Variants in NCAPD3 observed in about 807,000 individuals in gnomAD.
NCAPD3 encodes the protein condensin-2 complex subunit D3.
A neutral mutation model predicts 182.9 loss-of-function variants in NCAPD3; 105 were observed. The observed-to-expected ratio is 0.57, with a 90% confidence interval of 0.49 to 0.68. The LOEUF (loss-of-function observed/expected upper bound fraction) is 0.68. Ranked by LOEUF, NCAPD3 falls within the 30% of genes least tolerant of loss-of-function variation. NCAPD3 has a pLI of 0.00. For synonymous variants in NCAPD3, 815 were observed against 679.9 expected, an observed-to-expected ratio of 1.20 and a Z score of -3.09; for missense variants, 1,944 against 1,837.0, an observed-to-expected ratio of 1.06 and a Z score of -1.07.
intron 32 of NCAPD3, chr11:134,153,620 C>T: frequency 3.7e-6 from 2 of 538,028 alleles, no homozygotes; most frequent in Admixed American, 3.2e-5. Context: ...ACTGTTCACG[C>T]CTCTGGCTTC....
At position 134,171,984 on chromosome 11, in the gene NCAPD3, C is replaced by T. The variant is rs575106369; in HGVS notation, c.3102-2930G>A. Among the ~76,000 whole-genome samples the T allele has an allele frequency of 1.4e-4, 21 of 152,280 alleles. No homozygotes were observed. The South Asian group carries it at 1.5e-3, about 11-fold the overall frequency. On this transcript the variant is annotated intron_variant, in intron 24 of 34. Coordinates refer to ENST00000534548, the MANE Select transcript of NCAPD3 (RefSeq NM_015261.3). ...GTTTCGTGTTCCTTTTCTAGGGATG[C>T]GGAACAACAAAACCAAACTCATGCC...
rs1401076677 is a variant in NCAPD3 at position 134,209,357 on chromosome 11, A to G, written c.688T>C (p.Phe230Leu). 1 of 1,614,026 alleles carries G rather than the reference A, an allele frequency of 6.2e-7. No homozygotes were observed. The highest frequency in any genetic ancestry group is 8.5e-7 in the Non-Finnish European group (1 of 1,180,040). Residue 230 changes from phenylalanine (F) to leucine (L), a missense_variant, in exon 5 of 35, where the codon TTT becomes CTT. By Grantham distance (22) the Phe-to-Leu change is conservative. Transcript: ENST00000534548. ...LKNFLRLLPK[F>L]SLKEKPQCVQ... ...CATTGTGGCTTTTCTTTCAAGGAAA[A>G]CTTTGGCAGAAGCCTTAAAAAATTC... is the stretch of plus-strand genomic sequence containing the variant.
intron 13 of NCAPD3, among the ~76,000 whole-genome samples, chr11:134,195,774 A>G (rs1287635584): frequency 1.3e-5 from 2 of 152,156 alleles, no homozygotes; most frequent in Non-Finnish European, 2.9e-5. Flanking sequence ...CTGGCTTAAT[A>G]TAAGCCAGCT....
intron 7 of NCAPD3, among the ~76,000 whole-genome samples, chr11:134,208,510 T>C (rs1937702508): frequency 6.6e-6 from 1 of 152,186 alleles, no homozygotes; most frequent in Non-Finnish European, 1.5e-5. Context: ...TTAGAATGAT[T>C]TGGGAAATAT....
Position 134,178,893 on chromosome 11 carries a change from G to C in NCAPD3, c.2603C>G (p.Pro868Arg), listed in dbSNP as rs1350607148. Reference sequence around the variant, plus strand: ...GAAGATGCGCTTCTCCACCCTGGCTGGACACAGCTGGGCTATATCCCCTAA... The same window carrying C: ...GAAGATGCGCTTCTCCACCCTGGCTCGACACAGCTGGGCTATATCCCCTAA... The part of the protein sequence containing the change: ...FTLGDIAQLC[P>R]ARVEKRIFLL... Residue 868 changes from proline (P) to arginine (R), a missense_variant, in exon 21 of 35, where the codon CCA (proline) becomes CGA (arginine). This residue lies in a region of NCAPD3 where 1,803 missense variants were observed against 1,674.6 expected (regional missense o/e 1.08). Coordinates refer to ENST00000534548, the MANE Select transcript of NCAPD3 (RefSeq NM_015261.3). 12 of 1,614,100 alleles carry C rather than the reference G, an allele frequency of 7.4e-6. No homozygotes were observed. Among genetic ancestry groups the C allele is most frequent in the Non-Finnish European group, 8.5e-6 (10 of 1,180,004 alleles).
chr11:134,175,449 G>T (rs1944138971), intron 24 of NCAPD3, among the ~76,000 whole-genome samples: 1 of 152,198 alleles, frequency 6.6e-6, no homozygotes, highest in Non-Finnish European at 1.5e-5. Flanking sequence ...TTACTGGTTT[G>T]TTATGTGAAA....
chr11:134,199,492 C>T (rs375732810), intron 13 of NCAPD3, among the ~76,000 whole-genome samples: 181 of 152,282 alleles, frequency 1.2e-3, no homozygotes, highest in African/African-American at 4.3e-3. Context: ...AATGCACATT[C>T]AAACCATACT....
rs116269344 is a variant in NCAPD3, at chr11:134,215,792, C to T, written c.382+1144G>A. Among the ~76,000 whole-genome samples the T allele has an allele frequency of 2.8e-3, 420 of 152,216 alleles. 2 individuals carry two copies. Among genetic ancestry groups the T allele is most frequent in the African/African-American group, 9.4e-3 (391 of 41,526 alleles). ...GCTTTTTTATTGTTGCAGAAATTCA[C>T]GTACAGATCCTAAAATTCACATGGA... is the stretch of plus-strand genomic sequence containing the variant. On this transcript the variant is annotated intron_variant, in intron 3 of 34. Transcript: ENST00000534548.
chr11:134,157,575 G>C (rs1012965214), intron 31 of NCAPD3, among the ~76,000 whole-genome samples: 2 of 152,204 alleles, frequency 1.3e-5, no homozygotes, highest in Non-Finnish European at 2.9e-5. Context: ...CATGGAAGCT[G>C]TCTACTACAT....
chr11:134,213,784 T>C (rs1937925311), intron 3 of NCAPD3, among the ~76,000 whole-genome samples: 1 of 152,154 alleles, frequency 6.6e-6, no homozygotes, highest in Non-Finnish European at 1.5e-5. Context: ...GTGGCTATCT[T>C]AGTATTAGAC....
chr11:134,223,874 T>G lies in NCAPD3; in HGVS notation c.53A>C (p.Asp18Ala). Residue 18 changes from aspartate (D) to alanine (A), a missense_variant, in exon 1 of 35, where the codon GAT becomes GCT. Around this residue, in one of 3 missense-constraint regions of NCAPD3, gnomAD observed 131 missense variants for 133.9 expected, o/e 0.98. Coordinates refer to ENST00000534548, the MANE Select transcript of NCAPD3 (RefSeq NM_015261.3). ...GSGLQPWCPL[D>A]LRLEWVDTVW... ...CTGCATCTGCTCACCGAGTCTAAGA[T>G]CCAGCGGACACCAGGGCTGCAGGCC... 6.2e-7 allele frequency: 1 copy of G among 1,612,680 alleles called. No homozygotes were observed. Among genetic ancestry groups the G allele is most frequent in the Non-Finnish European group, 8.5e-7 (1 of 1,179,810 alleles).
At position 134,168,722 on chromosome 11, in the gene NCAPD3, C is replaced by T. The variant is rs1943932200; in HGVS notation, c.3240-120G>A. On this transcript the variant is annotated intron_variant, in intron 25 of 34. Coordinates refer to ENST00000534548, the MANE Select transcript of NCAPD3 (RefSeq NM_015261.3). ...AAAGACTCCAGTGCACTACAGAGAT[C>T]CCAGTGCTCATCACAGGCGCTGCCC... 8 of 1,423,242 alleles carry T rather than the reference C, an allele frequency of 5.6e-6. No individual in the cohort carries two copies. In the East Asian group the frequency reaches 1.6e-4, roughly 28 times the overall value. 88.2% of individuals were successfully genotyped at this position (1,423,242 alleles called of 1,614,324 possible).
At chr11:134,161,561 C>A (rs912520627) in intron 28 of NCAPD3, among the ~76,000 whole-genome samples, 1 of 152,204 alleles carries the variant, frequency 6.6e-6, no homozygotes, top group African/African-American at 2.4e-5. Context: ...CACAGTGGGC[C>A]GGCTCTTCAC....
At chr11:134,217,128 A>G in intron 2 of NCAPD3, 30 bp from the exon 3 acceptor site, 1 of 1,533,514 alleles carries the variant, frequency 6.5e-7, no homozygotes, top group Non-Finnish European at 8.8e-7. Context: ...CACAAAAGCC[A>G]GTCATTAGAG....
In NCAPD3 at chr11:134,206,628, G is replaced by A. The variant is rs878911041; in HGVS notation, c.987C>T (p.Asn329=). 2 of 1,613,422 alleles carry A rather than the reference G, an allele frequency of 1.2e-6. No individual in the cohort carries two copies. The highest frequency in any genetic ancestry group is 2.2e-5 in the South Asian group (2 of 90,920). Residue 329 remains asparagine, a synonymous_variant, in exon 8 of 35, where the codon AAC becomes AAT. Transcript: ENST00000534548. ...TAAACTGGACCGCCTGGTTTCTACA[G>A]TTGATGACTTGGGAGGTAACAGCAA... ...APLAVTSQVI[N]CRNQAVQFIS...
Position 134,168,596 on chromosome 11 carries a change from C to G in NCAPD3, c.3246G>C (p.Lys1082Asn), listed in dbSNP as rs946168315. Residue 1082 changes from lysine to asparagine, a missense_variant, in exon 26 of 35, where the codon AAG becomes AAC. Coordinates refer to ENST00000534548, the MANE Select transcript of NCAPD3 (RefSeq NM_015261.3). ...ACTTTCCCTTCAATGAAAACAGCCG[C>G]TTCTCTCTGTGGCAGAACGGGACAA... ...YNKFPQSEREKRLFSLKGKSN... is the reference protein window; with the variant it reads ...YNKFPQSERENRLFSLKGKSN... 2.5e-6 allele frequency: 4 copies of G among 1,614,124 alleles called. 1 individual carries two copies. The South Asian group carries it at 4.4e-5, about 18-fold the overall frequency.
At chr11:134,201,302 GGT>G (rs1403833665) in intron 13 of NCAPD3, among the ~76,000 whole-genome samples, 2 of 152,086 alleles carry the variant, frequency 1.3e-5, no homozygotes, top group Non-Finnish European at 2.9e-5. Context: ...CAGGATTACC[GGT>G]GTGAGCCACC....
chr11:134,223,939 C>G lies in NCAPD3; in HGVS notation c.-13G>C. The G allele has an allele frequency of 1.9e-6, 3 of 1,610,646 alleles. No individual in the cohort carries two copies. Among genetic ancestry groups the G allele is most frequent in the Middle Eastern group, 1.7e-4 (1 of 6,050 alleles). On this transcript the variant is annotated 5_prime_UTR_variant, in exon 1 of 35. Transcript: ENST00000534548. ...GCAACGCCACCATGATCCCAGGGCA[C>G]CGGCTCGCCGCCGCCGTGCTCAACT... is the stretch of plus-strand genomic sequence containing the variant.
Position 134,184,703 on chromosome 11 carries a change from G to A in NCAPD3, c.2385C>T (p.Ile795=), listed in dbSNP as rs1223500368. The A allele has an allele frequency of 1.2e-6, 2 of 1,613,874 alleles. No individual in the cohort carries two copies. Among genetic ancestry groups the A allele is most frequent in the African/African-American group, 2.7e-5 (2 of 74,878 alleles). The change falls in exon 19 of 35, where the codon ATC becomes ATT. Residue 795 remains isoleucine, a synonymous_variant. Transcript: ENST00000534548. ...LNGFQWSLEV[I]SSAVDALQRL... ...TCTGCAAGGCGTCAACAGCTGAACTGATCACCTCTAGAGACCACTGAAATC... is the reference window on the plus strand; with the variant it reads ...TCTGCAAGGCGTCAACAGCTGAACTAATCACCTCTAGAGACCACTGAAATC...
Sources: gnomAD v4.1 joint callset for allele counts (sites outside exome capture counted in the v4.1 genomes callset) on GRCh38, gnomAD v4.1.1 for gene constraint, gnomAD v4.1.1 regional missense constraint, MANE v1.5 for transcripts, NCBI Gene and HGNC (gene_info 2026-07-23, HGNC 2026-07-21) for gene names.